BLVRA: variants seen among roughly 807,000 people sequenced by gnomAD.
BLVRA encodes the protein biliverdin reductase A, also known as BVR A.
A neutral mutation model predicts 32.8 loss-of-function variants in BLVRA; 22 were observed. The observed-to-expected ratio is 0.67, with a 90% CI of 0.48 to 0.96. BLVRA has a LOEUF of 0.96. Ranked by LOEUF, BLVRA falls within the 40% of genes least tolerant of loss-of-function variation. The pLI, the probability that BLVRA is intolerant of heterozygous loss-of-function variation, is 0.00. For missense variants in BLVRA, 323 were observed against 358.1 expected (o/e 0.90, Z 0.79); for synonymous variants, 119 against 141.3 (o/e 0.84, Z 1.12).
At chr7:43,797,596 G>A (rs747903283) in intron 5 of BLVRA, among the ~76,000 whole-genome samples, 6 of 152,082 alleles carry the variant, frequency 3.9e-5, no homozygotes, top group African/African-American at 7.2e-5. Context: ...GCATGTAACC[G>A]CATACAACCA....
chr7:43,784,769 G>T (rs1194589870), intron 2 of BLVRA, among the ~76,000 whole-genome samples: 1 of 151,834 alleles, frequency 6.6e-6, no homozygotes, highest in East Asian at 1.9e-4. Context: ...ACCATACCTG[G>T]CTAATTTTTT....
At position 43,791,284 on chromosome 7, in the gene BLVRA, T is replaced by C; in HGVS notation, c.170T>C (p.Ile57Thr). 3 of 1,614,164 alleles carry C rather than the reference T, an allele frequency of 1.9e-6. No individual in the cohort carries two copies. Among genetic ancestry groups the C allele is most frequent in the Non-Finnish European group, 2.5e-6 (3 of 1,180,032 alleles). ...ELGSIDGVQQISLEDALSSQE... is the reference protein window; with the variant it reads ...ELGSIDGVQQTSLEDALSSQE... ...GGGAGCATTGATGGAGTCCAGCAGATTTCTTTGGAGGATGCTCTTTCCAGC... is the reference window on the plus strand; with the variant it reads ...GGGAGCATTGATGGAGTCCAGCAGACTTCTTTGGAGGATGCTCTTTCCAGC... Residue 57 changes from isoleucine to threonine, a missense_variant, in exon 4 of 8, where the codon ATT (isoleucine) becomes ACT (threonine). By Grantham distance (89) the Ile-to-Thr change is moderately conservative. Transcript: ENST00000265523.
intron 1 of BLVRA, among the ~76,000 whole-genome samples, chr7:43,763,719 GC>G (rs1324387742): frequency 6.6e-6 from 1 of 152,188 alleles, no homozygotes; most frequent in Admixed American, 6.5e-5. Flanking sequence ...ACTCATGTGT[GC>G]TGTTTGTTGT....
At chr7:43,785,555 T>G (rs1410299914) in intron 2 of BLVRA, among the ~76,000 whole-genome samples, 1 of 152,160 alleles carries the variant, frequency 6.6e-6, no homozygotes, top group Non-Finnish European at 1.5e-5. Flanking sequence ...AGAGAGGCAG[T>G]TAGTCATAGG....
At chr7:43,781,773 G>A (rs1364139452) in intron 2 of BLVRA, among the ~76,000 whole-genome samples, 1 of 152,168 alleles carries the variant, frequency 6.6e-6, no homozygotes, top group Non-Finnish European at 1.5e-5. Context: ...CCTAACAAAA[G>A]GCCTAGGAGC....
At chr7:43,784,309 C>T (rs763515584) in intron 2 of BLVRA, among the ~76,000 whole-genome samples, 17 of 152,296 alleles carry the variant, frequency 1.1e-4, no homozygotes, top group South Asian at 4.1e-4. Flanking sequence ...CTCCACTGGG[C>T]GTTTCTCACT....
intron 2 of BLVRA, 130 bp downstream of exon 2, chr7:43,771,300 T>G: frequency 9.2e-7 from 1 of 1,083,628 alleles, no homozygotes; most frequent in Non-Finnish European, 1.4e-6. Context: ...TCTAGCCTAC[T>G]GAAGTGCACG....
chr7:43,794,654 G>A (rs914722226), intron 5 of BLVRA, among the ~76,000 whole-genome samples: 3 of 152,060 alleles, frequency 2.0e-5, no homozygotes, highest in African/African-American at 7.2e-5. Flanking sequence ...AGAATTGCTT[G>A]AACCTGGGAG....
chr7:43,790,501 C>T (rs1296391685), intron 3 of BLVRA, among the ~76,000 whole-genome samples: 3 of 152,128 alleles, frequency 2.0e-5, no homozygotes, highest in Admixed American at 2.0e-4. Context: ...TACTGGGCTT[C>T]GTTAGCTTAG....
intron 2 of BLVRA, among the ~76,000 whole-genome samples, chr7:43,781,988 TCC>T (rs1193597753): frequency 6.6e-6 from 1 of 152,070 alleles, no homozygotes; most frequent in Admixed American, 6.6e-5. Flanking sequence ...TTCTCAAGAG[TCC>T]TCTCTCGGGA....
chr7:43,767,407 G>A, intron 1 of BLVRA: 3 of 1,597,280 alleles, frequency 1.9e-6, no homozygotes, highest in Non-Finnish European at 2.6e-6. Flanking sequence ...AATGATCACT[G>A]TTCCTATCGG....
chr7:43,774,670 G>T (rs1198453862), intron 2 of BLVRA, among the ~76,000 whole-genome samples: 3 of 152,120 alleles, frequency 2.0e-5, no homozygotes, highest in Admixed American at 2.0e-4. Flanking sequence ...TTCCAATTCT[G>T]TGAAGAAAGT....
Position 43,767,656 on chromosome 7 carries a change from A to AG in BLVRA, c.-21-3476dup. ...CATTTTTTAAAATGATAAATGCTGG[A>AG]GGGGGGACATCTGATTTGAATAAAA... On this transcript the variant is annotated intron_variant, in intron 1 of 7. Coordinates refer to ENST00000265523, the MANE Select transcript of BLVRA (RefSeq NM_000712.4). 3 of 686,788 alleles carry AG rather than the reference A, an allele frequency of 4.4e-6. 1 individual carries two copies. The highest frequency in any genetic ancestry group is 2.5e-6 in the Non-Finnish European group (1 of 393,120). 42.5% of individuals were successfully genotyped at this position (686,788 alleles called of 1,614,324 possible).
At chr7:43,801,375 A>G (rs1489897682) in intron 6 of BLVRA, among the ~76,000 whole-genome samples, 2 of 152,126 alleles carry the variant, frequency 1.3e-5, no homozygotes, top group Non-Finnish European at 2.9e-5. Context: ...GCAATAGGAA[A>G]TGGGCATGCA....
chr7:43,758,679 C>A (rs866378599), upstream of BLVRA: 2 of 152,380 alleles, frequency 1.3e-5, no homozygotes, highest in Middle Eastern at 6.8e-3. Context: ...GATCCCGCCC[C>A]GGTCCGCAAA....
intron 1 of BLVRA, chr7:43,767,666 T>C: frequency 1.6e-6 from 1 of 640,966 alleles, no homozygotes; most frequent in Non-Finnish European, 2.7e-6. Flanking sequence ...AGGGGGGACA[T>C]CTGATTTGAA....
rs1296399368 is a variant in BLVRA at position 43,787,484 on chromosome 7, C to T, written c.13-420C>T. ...GCCAGCATCTGATGAAGAAGCTGTG[C>T]CCTCTGAATGACTCCCAGTAGTATC... On this transcript the variant is annotated intron_variant, in intron 2 of 7. Transcript: ENST00000265523. This position sits in a 1 kb window ranked among gnomAD's most constrained non-coding sequence, Gnocchi z 4.5. Among the ~76,000 whole-genome samples the T allele has an allele frequency of 6.6e-6, 1 of 152,124 alleles. No individual in the cohort carries two copies. Among genetic ancestry groups the T allele is most frequent in the Non-Finnish European group, 1.5e-5 (1 of 68,030 alleles).
At chr7:43,790,840 CT>C (rs1013609639) in intron 3 of BLVRA, among the ~76,000 whole-genome samples, 2 of 152,062 alleles carry the variant, frequency 1.3e-5, no homozygotes, top group Non-Finnish European at 2.9e-5. Flanking sequence ...ATTTGGCTAA[CT>C]TTTGTATTTT....
intron 2 of BLVRA, among the ~76,000 whole-genome samples, chr7:43,775,979 T>C (rs2095760429): frequency 1.3e-5 from 2 of 152,248 alleles, no homozygotes; most frequent in South Asian, 4.1e-4. Context: ...GTGGGATTGG[T>C]AGTGATATCC....
Sources: allele counts gnomAD v4.1 joint callset (sites outside exome capture counted in the v4.1 genomes callset), GRCh38; gene constraint gnomAD v4.1.1; non-coding constraint Gnocchi (gnomAD v3.1); transcripts MANE v1.5; gene names NCBI Gene and HGNC (gene_info 2026-07-23, HGNC 2026-07-21).